Variants in SP110 observed in about 807,000 individuals in gnomAD.
SP110 encodes the protein interferon-induced protein 41, 30kD.
In SP110, 62 loss-of-function variants were observed where a neutral mutation model predicts 92.7. That is an observed-to-expected ratio of 0.67 (90% CI 0.55 to 0.83). SP110 has a LOEUF of 0.83. SP110 is among the 40% of genes least tolerant of loss of function. The pLI, the probability that SP110 is intolerant of heterozygous loss-of-function variation, is 0.00. For missense variants in SP110, 793 were observed against 863.9 expected, an observed-to-expected ratio of 0.92 and a Z score of 1.03; for synonymous variants, 273 against 305.3, an observed-to-expected ratio of 0.89 and a Z score of 1.10.
intron 8 of SP110, 134 bp from the exon 9 acceptor site, chr2:230,202,862 T>C (rs1243990987): frequency 6.1e-6 from 5 of 826,298 alleles, no homozygotes; most frequent in Non-Finnish European, 1.1e-5. Context: ...GTACCTCACT[T>C]TTCTCCTCCT....
intron 9 of SP110, among the ~76,000 whole-genome samples, chr2:230,201,308 C>G (rs184805575): frequency 3.9e-5 from 6 of 152,292 alleles, no homozygotes; most frequent in Non-Finnish European, 7.4e-5. Context: ...TTTGCAAGGT[C>G]AAATTGTTTT....
At chr2:230,172,992 AC>A in intron 14 of SP110, 33 bp from the exon 15 acceptor site, 2 of 1,370,196 alleles carry the variant, frequency 1.5e-6, no homozygotes, top group Non-Finnish European at 2.1e-6. Flanking sequence ...CACCGCTAGG[AC>A]CATGGAGACC....
chr2:230,203,035 G>C, intron 8 of SP110: 1 of 409,938 alleles, frequency 2.4e-6, no homozygotes, highest in South Asian at 2.2e-5. Context: ...CCTGCACCAC[G>C]AGGTGGCCAC....
intron 12 of SP110, among the ~76,000 whole-genome samples, chr2:230,181,909 C>T (rs1410201745): frequency 6.6e-6 from 1 of 152,160 alleles, no homozygotes; most frequent in East Asian, 1.9e-4. Context: ...CCTCAAAGAC[C>T]TAGAACCAGA....
At chr2:230,207,058 C>A (rs2043943474) in intron 8 of SP110, among the ~76,000 whole-genome samples, 1 of 152,068 alleles carries the variant, frequency 6.6e-6, no homozygotes, top group African/African-American at 2.4e-5. Flanking sequence ...GTTTCTCTGG[C>A]CTTTGGAAAG....
chr2:230,207,398 G>A (rs893880584), intron 8 of SP110, among the ~76,000 whole-genome samples: 2 of 152,110 alleles, frequency 1.3e-5, no homozygotes, highest in African/African-American at 4.8e-5. Flanking sequence ...TTGTGTTCCT[G>A]CAGCACTCAT....
chr2:230,183,622 T>A lies in SP110; in HGVS notation c.1298A>T (p.Asp433Val), dbSNP rs1157982871. 1.3e-6 allele frequency: 2 copies of A among 1,588,236 alleles called. No homozygotes were observed. Among genetic ancestry groups the A allele is most frequent in the Admixed American group, 3.3e-5 (2 of 59,988 alleles). ...TCTCCTTTTTGAGCTTGAACAGATA[T>A]CTTTCTCCTTTTTCTTTTCTAAACA... ...SRLKEKKKEK[D>V]ICSSSKRRFQ... The change falls in exon 12 of 19, where the codon GAT becomes GTT. Residue 433 changes from aspartate to valine, a missense_variant. Transcript: ENST00000258381.
rs757775938 is a variant in SP110 at position 230,172,939 on chromosome 2, G to A, written c.1611C>T (p.Cys537=). ...GTTGTCCCCCTTGACAGCACACCTC[G>A]CATTCATCCGAGTTTTTCCGCTGCA... ...ELLKRKNSDE[C]EVCCQGGQLL... Residue 537 remains cysteine (C), a synonymous_variant, in exon 15 of 19, where the codon TGC becomes TGT. Coordinates refer to ENST00000258381, the MANE Select transcript of SP110 (RefSeq NM_080424.4). 21 of 1,613,786 alleles carry A rather than the reference G, an allele frequency of 1.3e-5. No individual in the cohort carries two copies. Among genetic ancestry groups the A allele is most frequent in the Admixed American group, 3.3e-5 (2 of 60,032 alleles).
intron 10 of SP110, among the ~76,000 whole-genome samples, chr2:230,200,124 A>G (rs1574661277): frequency 6.6e-6 from 1 of 152,216 alleles, no homozygotes; most frequent in Admixed American, 6.5e-5. Context: ...TGTTAAAATG[A>G]TAATTTAGAT....
rs574772554 is a variant in SP110 at position 230,219,086 on chromosome 2, G to A, written c.-2+788C>T. Among the ~76,000 whole-genome samples, 226 of 152,268 alleles carry A rather than the reference G, an allele frequency of 1.5e-3. 1 individual carries two copies. The highest frequency in any genetic ancestry group is 2.6e-3 in the Non-Finnish European group (180 of 68,004). ...CTAAAAATACAAAAATTAGCTGGGCGTGGTGGTGCACATCTGTAGTCCCAG... is the reference window on the plus strand; with the variant it reads ...CTAAAAATACAAAAATTAGCTGGGCATGGTGGTGCACATCTGTAGTCCCAG... On this transcript the variant is annotated intron_variant, in intron 1 of 18. Transcript: ENST00000258381.
intron 8 of SP110, among the ~76,000 whole-genome samples, chr2:230,206,880 T>C (rs62193102): frequency 1.3e-5 from 2 of 152,090 alleles, no homozygotes; most frequent in African/African-American, 4.8e-5. Flanking sequence ...AGAACCTCTC[T>C]TATCTCCTGA....
At chr2:230,207,960 C>A in intron 8 of SP110, 31 bp downstream of exon 8, 1 of 1,131,518 alleles carries the variant, frequency 8.8e-7, no homozygotes, top group Middle Eastern at 2.0e-4. Flanking sequence ...CTGTTTCCAG[C>A]CTCCAGCTTC....
chr2:230,199,366 G>A (rs530999372), intron 10 of SP110, among the ~76,000 whole-genome samples: 16 of 151,160 alleles, frequency 1.1e-4, no homozygotes, highest in African/African-American at 3.4e-4. Flanking sequence ...CCACCACCAC[G>A]CCTGGCTAGT....
In SP110 at chr2:230,180,999, C is replaced by T. The variant is rs541813465; in HGVS notation, c.1348+2573G>A. On this transcript the variant is annotated intron_variant, in intron 12 of 18. Coordinates refer to ENST00000258381, the MANE Select transcript of SP110 (RefSeq NM_080424.4). ...CTCACTTATTATGGTAATTAAATGGCAAAATGTAGATCAAAGTGCTTTGCC... is the reference window on the plus strand; with the variant it reads ...CTCACTTATTATGGTAATTAAATGGTAAAATGTAGATCAAAGTGCTTTGCC... Among the ~76,000 whole-genome samples, 9 of 152,220 alleles carry T rather than the reference C, an allele frequency of 5.9e-5. No homozygotes were observed. The South Asian group carries it at 1.9e-3, about 32-fold the overall frequency.
chr2:230,215,875 G>A (rs544506467), intron 2 of SP110, among the ~76,000 whole-genome samples: 224 of 152,274 alleles, frequency 1.5e-3, no homozygotes, highest in Non-Finnish European at 2.2e-3. Flanking sequence ...CTATGGAACT[G>A]AATAACTAAG....
upstream of SP110, among the ~76,000 whole-genome samples, chr2:230,224,033 G>C (rs536352561): frequency 7.0e-4 from 106 of 152,350 alleles, no homozygotes; most frequent in Admixed American, 1.9e-3. Flanking sequence ...TTACCCAGGA[G>C]AGGTTCTGTA....
upstream of SP110, among the ~76,000 whole-genome samples, chr2:230,220,539 A>G (rs368448728): frequency 1.9e-4 from 29 of 152,356 alleles, 1 homozygote; most frequent in East Asian, 1.4e-3. Context: ...GCAGACCTCC[A>G]GGCAGAAAAA....
At position 230,183,633 on chromosome 2, in the gene SP110, T is replaced by C; in HGVS notation, c.1287A>G (p.Lys429=). The C allele has an allele frequency of 6.4e-7, 1 of 1,552,990 alleles. No homozygotes were observed. The highest frequency in any genetic ancestry group is 8.9e-7 in the Non-Finnish European group (1 of 1,124,136). The change falls in exon 12 of 19, where the codon AAA becomes AAG. Residue 429 remains lysine, a synonymous_variant. Coordinates refer to ENST00000258381, the MANE Select transcript of SP110 (RefSeq NM_080424.4). ...CARKSRLKEK[K]KEKDICSSSK... is the part of the protein sequence containing the mutation. Reference sequence around the variant, plus strand: ...AGCTTGAACAGATATCTTTCTCCTTTTTCTTTTCTAAACACAGAATTAATA... The same window carrying C: ...AGCTTGAACAGATATCTTTCTCCTTCTTCTTTTCTAAACACAGAATTAATA...
chr2:230,212,179 G>A (rs2044560409), intron 5 of SP110, among the ~76,000 whole-genome samples, 168 bp downstream of exon 5: 1 of 152,190 alleles, frequency 6.6e-6, no homozygotes, highest in Non-Finnish European at 1.5e-5. Context: ...TTGGTTGTTG[G>A]TTTGTTTTGC....
Sources: allele counts gnomAD v4.1 joint callset (sites outside exome capture counted in the v4.1 genomes callset), GRCh38; gene constraint gnomAD v4.1.1; transcripts MANE v1.5; gene names NCBI Gene and HGNC (gene_info 2026-07-23, HGNC 2026-07-21).